The following PLGRKT variants were observed in gnomAD, a reference collection of about 807,000 sequenced individuals.
PLGRKT encodes plasminogen receptor (KT).
PLGRKT carries 22 observed loss-of-function variants against 18.5 expected under a neutral mutation model. The ratio of observed to expected loss-of-function variants is 1.19; its 90% CI spans 0.85 to 1.70. The LOEUF (loss-of-function observed/expected upper bound fraction) is 1.70, where lower values mean the gene tolerates loss of function less well. PLGRKT is among the 40% of genes most tolerant of loss of function. The pLI is 0.00. For synonymous variants in PLGRKT, 72 were observed against 52.8 expected (o/e 1.36, Z -1.58); for missense variants, 235 against 174.4 (o/e 1.35, Z -1.96).
intron 3 of PLGRKT, among the ~76,000 whole-genome samples, chr9:5,406,384 A>G (rs1818257344): frequency 6.6e-6 from 1 of 152,222 alleles, no homozygotes; most frequent in African/African-American, 2.4e-5. Flanking sequence ...AACAGACTGG[A>G]TAAAGAAAGT....
chr9:5,378,789 AT>A (rs1482315101), intron 3 of PLGRKT, among the ~76,000 whole-genome samples: 2 of 152,210 alleles, frequency 1.3e-5, no homozygotes, highest in African/African-American at 4.8e-5. Context: ...TAATGGTAGG[AT>A]TTAACCATCT....
intron 3 of PLGRKT, among the ~76,000 whole-genome samples, chr9:5,422,726 A>G (rs1162662196): frequency 6.6e-6 from 1 of 152,238 alleles, no homozygotes; most frequent in African/African-American, 2.4e-5. Flanking sequence ...TCATATGGAA[A>G]TATTACAGGT....
chr9:5,371,986 C>CTTTATTTTTTTTTTTTTTTT (rs1817527393), intron 3 of PLGRKT, among the ~76,000 whole-genome samples: 1 of 89,152 alleles, frequency 1.1e-5, no homozygotes, highest in Non-Finnish European at 2.1e-5. Context: ...TCAGAAAATC[C>CTTTATTTTTTTTTTTTTTTT]TTTTTTTTTT....
At chr9:5,424,617 ATATTATAT>A (rs1289158811) in intron 3 of PLGRKT, among the ~76,000 whole-genome samples, 1 of 119,394 alleles carries the variant, frequency 8.4e-6, no homozygotes, top group Non-Finnish European at 1.7e-5. Flanking sequence ...ATTATTTATT[ATATTATAT>A]TATATTAATA....
intron 3 of PLGRKT, among the ~76,000 whole-genome samples, chr9:5,383,033 T>C (rs1817775494): frequency 1.3e-5 from 2 of 152,168 alleles, no homozygotes; most frequent in Admixed American, 6.5e-5. Context: ...GATATTAAGA[T>C]GAGATCACTT....
chr9:5,399,453 CCTTTT>C (rs1818114837), intron 3 of PLGRKT, among the ~76,000 whole-genome samples: 1 of 151,384 alleles, frequency 6.6e-6, no homozygotes, highest in African/African-American at 2.4e-5. Flanking sequence ...ATTTTTTTTC[CCTTTT>C]CTTTAGAGTT....
intron 1 of PLGRKT, among the ~76,000 whole-genome samples, chr9:5,437,444 C>T (rs1818981713): frequency 6.6e-6 from 1 of 152,212 alleles, no homozygotes; most frequent in African/African-American, 2.4e-5. Flanking sequence ...CGGAGGTTTT[C>T]TGTAATTAAC....
intron 3 of PLGRKT, among the ~76,000 whole-genome samples, chr9:5,377,933 G>A (rs1192232826): frequency 2.6e-5 from 4 of 152,190 alleles, no homozygotes; most frequent in Admixed American, 2.6e-4. Flanking sequence ...CAGTACCACT[G>A]AGACCTGAAG....
At chr9:5,417,342 G>A (rs906027178) in intron 3 of PLGRKT, among the ~76,000 whole-genome samples, 1 of 152,140 alleles carries the variant, frequency 6.6e-6, no homozygotes, top group Admixed American at 6.5e-5. Flanking sequence ...AAAGAGTAAA[G>A]TTGGACCCTT....
intron 3 of PLGRKT, among the ~76,000 whole-genome samples, chr9:5,378,466 C>A (rs1817673743): frequency 6.6e-6 from 1 of 152,108 alleles, no homozygotes; most frequent in Admixed American, 6.6e-5. Flanking sequence ...AACAAAAGAA[C>A]CCAGACACAG....
intron 3 of PLGRKT, among the ~76,000 whole-genome samples, chr9:5,383,057 T>C (rs1413620871): frequency 6.6e-6 from 1 of 152,172 alleles, no homozygotes; most frequent in African/African-American, 2.4e-5. Context: ...ATCACCCAAG[T>C]GGGCTCTAAA....
chr9:5,379,990 T>C (rs534999248), intron 3 of PLGRKT, among the ~76,000 whole-genome samples: 4 of 152,206 alleles, frequency 2.6e-5, no homozygotes, highest in African/African-American at 4.8e-5. Context: ...TGAACGAAAC[T>C]GGGGACCAAT....
intron 3 of PLGRKT, among the ~76,000 whole-genome samples, chr9:5,398,909 C>T (rs553622317): frequency 0.013 from 1,994 of 148,768 alleles, 56 homozygotes; most frequent in African/African-American, 0.05. Context: ...TTCGCCTCCC[C>T]ATCTGCTTAA....
intron 3 of PLGRKT, among the ~76,000 whole-genome samples, chr9:5,424,395 CATA>C (rs1332999243): frequency 8.2e-6 from 1 of 122,028 alleles, no homozygotes; most frequent in East Asian, 2.1e-4. Context: ...TATTATAAAA[CATA>C]ATATATTATA....
At chr9:5,411,443 G>T (rs1818364707) in intron 3 of PLGRKT, among the ~76,000 whole-genome samples, 1 of 151,588 alleles carries the variant, frequency 6.6e-6, no homozygotes, top group Non-Finnish European at 1.5e-5. Flanking sequence ...CATCTACTCT[G>T]CTACATGAAC....
intron 3 of PLGRKT, among the ~76,000 whole-genome samples, chr9:5,388,743 A>G (rs16923116): frequency 6.6e-6 from 1 of 152,012 alleles, no homozygotes; most frequent in African/African-American, 2.4e-5. Context: ...CCCTCTTTAG[A>G]GAAACAGGAC....
intron 3 of PLGRKT, among the ~76,000 whole-genome samples, chr9:5,383,968 T>A (rs1817794487): frequency 6.6e-6 from 1 of 152,196 alleles, no homozygotes; most frequent in Non-Finnish European, 1.5e-5. Context: ...GTGCTGAATT[T>A]GCGGGGCCTG....
At chr9:5,390,387 A>C (rs946161537) in intron 3 of PLGRKT, among the ~76,000 whole-genome samples, 2 of 151,808 alleles carry the variant, frequency 1.3e-5, no homozygotes, top group Non-Finnish European at 2.9e-5. Flanking sequence ...AATTTGAAAG[A>C]TCACAGGAGA....
In PLGRKT at chr9:5,424,444, A is replaced by AATATG. The variant is rs1204543130; in HGVS notation, c.81+7452_81+7453insCATAT. Reference sequence around the variant, plus strand: ...TAATATATAACATATTATAAAATATATTATATATTATAACATAATATATAA... The same window carrying AATATG: ...TAATATATAACATATTATAAAATATAATATGTTATATATTATAACATAATATATAA... On this transcript the variant is annotated intron_variant, in intron 3 of 5. Transcript: ENST00000223864. Among the ~76,000 whole-genome samples the AATATG allele has an allele frequency of 3.3e-3, 348 of 104,648 alleles. 9 individuals are homozygous for AATATG. Among genetic ancestry groups the AATATG allele is most frequent in the African/African-American group, 0.011 (304 of 26,598 alleles). The allele number at this position is 104,648 out of a possible 152,430, so 68.7% of individuals were successfully genotyped here.
Sources: allele counts gnomAD v4.1 joint callset (sites outside exome capture counted in the v4.1 genomes callset), GRCh38; gene constraint gnomAD v4.1.1; transcripts MANE v1.5; gene names NCBI Gene and HGNC (gene_info 2026-07-23, HGNC 2026-07-21).